Variants in GRAP2 observed in about 807,000 individuals in gnomAD.
GRAP2 encodes the protein GRB2 related adaptor protein 2, also known as GRB2-related adapter protein 2.
In GRAP2, 31 loss-of-function variants were observed where a neutral mutation model predicts 43.5. The observed-to-expected ratio is 0.71, with a 90% CI of 0.54 to 0.96. The LOEUF is 0.96. GRAP2 is among the 40% of genes least tolerant of loss of function. GRAP2 has a pLI of 0.00. For synonymous variants in GRAP2, 156 were observed against 164.8 expected, an observed-to-expected ratio of 0.95 and a Z score of 0.41; for missense variants, 371 against 424.4, an observed-to-expected ratio of 0.87 and a Z score of 1.11.
At chr22:39,955,702 C>G (rs2067042086) in intron 2 of GRAP2, 117 bp from the exon 3 acceptor site, 2 of 609,892 alleles carry the variant, frequency 3.3e-6, no homozygotes, top group Admixed American at 5.2e-5. Flanking sequence ...GTTCTTTCAA[C>G]TTATTAACAT....
At chr22:39,943,108 A>C (rs1474823846) in intron 1 of GRAP2, among the ~76,000 whole-genome samples, 3 of 152,226 alleles carry the variant, frequency 2.0e-5, no homozygotes, top group Non-Finnish European at 4.4e-5. Context: ...TAGCCAACTT[A>C]GGAGGAGCTG....
intron 4 of GRAP2, among the ~76,000 whole-genome samples, chr22:39,963,714 T>A (rs1207576145): frequency 6.6e-6 from 1 of 152,112 alleles, no homozygotes; most frequent in Non-Finnish European, 1.5e-5. Context: ...GGTCCCTAAA[T>A]CCATCCCTAA....
rs1303130954 is a variant in GRAP2 at position 39,973,429 on chromosome 22, G to A, written c.*2345G>A. ...GGTGACAGGGGTCATCGGCCTGCAG[G>A]AGCTGACCCCGTAGGCAGGCGGTAT... On this transcript the variant is annotated 3_prime_UTR_variant, in exon 8 of 8. Transcript: ENST00000344138. 2.6e-5 allele frequency: 4 copies of A among 152,266 alleles called. No homozygotes were observed. The highest frequency in any genetic ancestry group is 6.5e-5 in the Admixed American group (1 of 15,288). The allele number at this position is 152,266 out of a possible 1,614,324, so 9.4% of individuals were successfully genotyped here. A position where few individuals can be genotyped will look rare whatever the true frequency, so the allele number is the denominator to read the frequency against.
At chr22:39,961,086 C>T (rs2067115269) in intron 4 of GRAP2, among the ~76,000 whole-genome samples, 1 of 151,770 alleles carries the variant, frequency 6.6e-6, no homozygotes, top group Non-Finnish European at 1.5e-5. Flanking sequence ...GCTGGGGATA[C>T]AGGTGCACAC....
intron 4 of GRAP2, among the ~76,000 whole-genome samples, chr22:39,965,752 A>G (rs1410511690): frequency 6.6e-6 from 1 of 152,212 alleles, no homozygotes; most frequent in Admixed American, 6.5e-5. Context: ...ATTTTAGCTC[A>G]TCTGATTACC....
chr22:39,963,344 C>G lies in GRAP2; in HGVS notation c.291-2646C>G, dbSNP rs543484950. ...TCTCCTTGTAGACCCAGATAACCAGCTGCAACCCTCACACCCATCCTTACA... is the reference window on the plus strand; with the variant it reads ...TCTCCTTGTAGACCCAGATAACCAGGTGCAACCCTCACACCCATCCTTACA... On this transcript the variant is annotated intron_variant, in intron 4 of 7. Coordinates refer to ENST00000344138, the MANE Select transcript of GRAP2 (RefSeq NM_004810.4). Among the ~76,000 whole-genome samples the G allele has an allele frequency of 2.6e-5, 4 of 152,280 alleles. No homozygotes were observed. In the South Asian group the frequency reaches 8.3e-4, roughly 32 times the overall value.
At chr22:39,970,125 T>A (rs1051721380) in intron 7 of GRAP2, among the ~76,000 whole-genome samples, 15 of 152,168 alleles carry the variant, frequency 9.9e-5, no homozygotes, top group Non-Finnish European at 2.2e-4. Flanking sequence ...CATCTTTTTT[T>A]TGTTTTTTGA....
At chr22:39,913,842 C>T (rs1404281799) in intron 1 of GRAP2, among the ~76,000 whole-genome samples, 4 of 152,142 alleles carry the variant, frequency 2.6e-5, no homozygotes, top group Non-Finnish European at 4.4e-5. Context: ...TATAATCCAT[C>T]GAAGTCACAG....
intron 1 of GRAP2, among the ~76,000 whole-genome samples, chr22:39,940,246 C>T (rs1369348189): frequency 6.6e-6 from 1 of 152,140 alleles, no homozygotes; most frequent in Admixed American, 6.5e-5. Flanking sequence ...ACATGACCAG[C>T]TGATTAACAG....
At chr22:39,895,684 A>G in the GRAP2 span, among the ~76,000 whole-genome samples, 105 of 152,358 alleles carry the variant, frequency 6.9e-4, 3 homozygotes, top group South Asian at 0.011. Context: ...CATACATTCT[A>G]CATTATTGAG....
intron 7 of GRAP2, among the ~76,000 whole-genome samples, chr22:39,969,958 C>A (rs1423506045): frequency 6.6e-6 from 1 of 152,110 alleles, no homozygotes; most frequent in Non-Finnish European, 1.5e-5. Flanking sequence ...CACAGATCAA[C>A]GAGAGGTGAT....
chr22:39,916,406 G>A (rs2066602968), intron 1 of GRAP2, among the ~76,000 whole-genome samples: 1 of 152,222 alleles, frequency 6.6e-6, no homozygotes, highest in African/African-American at 2.4e-5. Flanking sequence ...GCAACTGTAG[G>A]ACCCCTCTGA....
intron 5 of GRAP2, 147 bp from the exon 6 acceptor site, chr22:39,967,895 C>T: frequency 2.0e-6 from 2 of 1,000,832 alleles, no homozygotes; most frequent in South Asian, 3.7e-5. Context: ...AGGTCTAAAG[C>T]ATCAATTATC....
intron 7 of GRAP2, among the ~76,000 whole-genome samples, chr22:39,970,499 G>A (rs933197806): frequency 4.6e-5 from 7 of 152,182 alleles, no homozygotes; most frequent in Non-Finnish European, 8.8e-5. Flanking sequence ...TGGAGAGAGT[G>A]GTTCTCAGGG....
upstream of GRAP2, among the ~76,000 whole-genome samples, chr22:39,900,636 C>G (rs569530588): frequency 9.2e-5 from 14 of 152,316 alleles, no homozygotes; most frequent in Admixed American, 6.5e-4. Context: ...TCATGCTGGA[C>G]TGTGGCAAAC....
At chr22:39,896,916 A>G (rs2066468309), upstream of GRAP2, among the ~76,000 whole-genome samples, 1 of 152,058 alleles carries the variant, frequency 6.6e-6, no homozygotes, top group Non-Finnish European at 1.5e-5. Flanking sequence ...AGTTTGCTTC[A>G]CCTGACTTCC....
chr22:39,934,241 G>C (rs1052086693), intron 1 of GRAP2, among the ~76,000 whole-genome samples: 2 of 152,198 alleles, frequency 1.3e-5, no homozygotes, highest in Non-Finnish European at 2.9e-5. Flanking sequence ...GGACAGATAG[G>C]CTGAAGGATA....
At chr22:39,897,328 G>A (rs1308644111), upstream of GRAP2, among the ~76,000 whole-genome samples, 1 of 152,040 alleles carries the variant, frequency 6.6e-6, no homozygotes, top group Non-Finnish European at 1.5e-5. Flanking sequence ...TGAAATACAA[G>A]GTGGCTACCC....
intron 3 of GRAP2, among the ~76,000 whole-genome samples, chr22:39,959,266 G>A (rs2067090497): frequency 6.6e-6 from 1 of 152,246 alleles, no homozygotes; most frequent in Non-Finnish European, 1.5e-5. Context: ...ATGCCACGCT[G>A]TATGCAGCTG....
Sources: gnomAD v4.1 joint callset for allele counts (sites outside exome capture counted in the v4.1 genomes callset) on GRCh38, gnomAD v4.1.1 for gene constraint, MANE v1.5 for transcripts, NCBI Gene and HGNC (gene_info 2026-07-23, HGNC 2026-07-21) for gene names.